Variants in PCDHGA6 observed in about 807,000 individuals in gnomAD.
PCDHGA6 encodes the protein protocadherin gamma-A6.
Under a neutral mutation model 60.6 loss-of-function variants are expected in PCDHGA6, and 41 were observed. The ratio of observed to expected loss-of-function variants is 0.68; its 90% CI spans 0.53 to 0.88. The LOEUF (loss-of-function observed/expected upper bound fraction) is 0.88. Among genes scored for constraint, PCDHGA6 ranks in the 40% least tolerant of loss-of-function variants. PCDHGA6 has a pLI of 0.00. For synonymous variants in PCDHGA6, 594 were observed against 524.4 expected, an observed-to-expected ratio of 1.13 and a Z score of -1.81; for missense variants, 1,312 against 1,203.0, an observed-to-expected ratio of 1.09 and a Z score of -1.34.
intron 1 of PCDHGA6, among the ~76,000 whole-genome samples, chr5:141,469,403 C>T (rs902543178): frequency 4.6e-5 from 7 of 152,060 alleles, no homozygotes; most frequent in South Asian, 2.1e-4. Context: ...GGTGAAACCC[C>T]GTTTCTACTA....
chr5:141,421,353 G>T, intron 1 of PCDHGA6: 1 of 1,613,998 alleles, frequency 6.2e-7, no homozygotes, highest in Non-Finnish European at 8.5e-7. Context: ...AGACCGAAAA[G>T]GGCTCCTTCG....
chr5:141,410,797 CTCTA>C (rs375585060), intron 1 of PCDHGA6: 18 of 676,000 alleles, frequency 2.7e-5, no homozygotes, highest in Middle Eastern at 9.7e-4. Context: ...TCATAAGTTG[CTCTA>C]TCTTTTTGTA....
At chr5:141,464,300 A>T (rs1349155102) in intron 1 of PCDHGA6, among the ~76,000 whole-genome samples, 2 of 149,898 alleles carry the variant, frequency 1.3e-5, no homozygotes, top group African/African-American at 4.9e-5. Flanking sequence ...ACTCCATTGT[A>T]TGTGCACATA....
At chr5:141,452,966 G>T (rs996204633) in intron 1 of PCDHGA6, among the ~76,000 whole-genome samples, 6 of 152,098 alleles carry the variant, frequency 3.9e-5, no homozygotes, top group Admixed American at 1.3e-4. Context: ...TAAACTGAGG[G>T]TATATTGTCA....
rs200900873 is a variant in PCDHGA6 at position 141,510,902 on chromosome 5, G to A, written c.2573-45G>A. On this transcript the variant is annotated intron_variant, in intron 3 of 3. Transcript: ENST00000517434. ...GGGGATATAAGACAGTGACTGTTGAGGACCCTAAGTTTAGCTCCCACCTGA... is the reference window on the plus strand; with the variant it reads ...GGGGATATAAGACAGTGACTGTTGAAGACCCTAAGTTTAGCTCCCACCTGA... The A allele has an allele frequency of 1.5e-3, 2,449 of 1,613,462 alleles. 7 individuals carry two copies. The highest frequency in any genetic ancestry group is 1.9e-3 in the Non-Finnish European group (2,206 of 1,179,758).
chr5:141,415,039 G>A (rs761101620), intron 1 of PCDHGA6: 1 of 1,613,486 alleles, frequency 6.2e-7, no homozygotes, highest in South Asian at 1.1e-5. Context: ...GGGACTCTTC[G>A]CGGTGGGGGA....
chr5:141,485,466 T>C lies in PCDHGA6; in HGVS notation c.2425-9341T>C, dbSNP rs1485922901. ...ATCGACCGAGAGGCACTGTGTGGGC[T>C]CAGTGCCAGCTGCATCGTGCCCCTG... On this transcript the variant is annotated intron_variant, in intron 1 of 3. Transcript: ENST00000517434. The surrounding 1 kb of genome is among the most constrained non-coding windows in gnomAD (Gnocchi z 5.7). 6.2e-7 allele frequency: 1 copy of C among 1,613,868 alleles called. No individual in the cohort carries two copies. Among genetic ancestry groups the C allele is most frequent in the Non-Finnish European group, 8.5e-7 (1 of 1,179,924 alleles).
In PCDHGA6 at chr5:141,476,691, A is replaced by G; in HGVS notation, c.2425-18116A>G. 6.2e-7 allele frequency: 1 copy of G among 1,614,224 alleles called. No individual in the cohort carries two copies. Among genetic ancestry groups the G allele is most frequent in the Non-Finnish European group, 8.5e-7 (1 of 1,180,050 alleles). The stretch of plus-strand genomic sequence containing the variant: ...GTGCAGACGCGGGAGGACAGCACCA[A>G]GTACGCGGAGCTGGTGTTGGAGCGC... On this transcript the variant is annotated intron_variant, in intron 1 of 3. Transcript: ENST00000517434. This position sits in a 1 kb window ranked among gnomAD's most constrained non-coding sequence, Gnocchi z 7.6.
At position 141,418,595 on chromosome 5, in the gene PCDHGA6, G is replaced by A. The variant is rs1331897624; in HGVS notation, c.2424+42088G>A. The A allele has an allele frequency of 2.5e-6, 4 of 1,613,928 alleles. No individual in the cohort carries two copies. Among genetic ancestry groups the A allele is most frequent in the Admixed American group, 3.3e-5 (2 of 60,006 alleles). On this transcript the variant is annotated intron_variant, in intron 1 of 3. Transcript: ENST00000517434. ...CAACCCCCCAGTGTTCAGCCAGGAC[G>A]TGTACAGGGTTAGCCTTCGGGAAGA...
In PCDHGA6 at chr5:141,393,378, G is replaced by A. The variant is rs1207426335; in HGVS notation, c.2424+16871G>A. On this transcript the variant is annotated intron_variant, in intron 1 of 3. Coordinates refer to ENST00000517434, the MANE Select transcript of PCDHGA6 (RefSeq NM_018919.3). ...GGACGTGCAGACTGGAGACAATGGA[G>A]CCATAAACCCAGAGCTGGTGCTGGA... The A allele has an allele frequency of 1.9e-6, 3 of 1,613,982 alleles. No individual in the cohort carries two copies. The highest frequency in any genetic ancestry group is 2.2e-5 in the East Asian group (1 of 44,866).
At chr5:141,400,172 C>G in intron 1 of PCDHGA6, 1 of 1,614,082 alleles carries the variant, frequency 6.2e-7, no homozygotes, top group Non-Finnish European at 8.5e-7. Context: ...GACCCCCAGG[C>G]TGAGCTGCAG....
Position 141,477,071 on chromosome 5 carries a change from G to T in PCDHGA6, c.2425-17736G>T. 6.2e-7 allele frequency: 1 copy of T among 1,614,226 alleles called. No individual in the cohort carries two copies. The highest frequency in any genetic ancestry group is 8.5e-7 in the Non-Finnish European group (1 of 1,180,030). ...GGACTTCGAGGACACCAAACTCCAT[G>T]AGATTTACATCCAGGCCAAAGACAA... is the stretch of plus-strand genomic sequence containing the variant. On this transcript the variant is annotated intron_variant, in intron 1 of 3. Coordinates refer to ENST00000517434, the MANE Select transcript of PCDHGA6 (RefSeq NM_018919.3). This position sits in a 1 kb window ranked among gnomAD's most constrained non-coding sequence, Gnocchi z 4.9.
At chr5:141,383,051 A>T in intron 1 of PCDHGA6, 2 of 1,613,872 alleles carry the variant, frequency 1.2e-6, no homozygotes, top group Non-Finnish European at 1.7e-6. Context: ...ATCGCCAAGG[A>T]CCTGGGGCTG....
intron 1 of PCDHGA6, chr5:141,385,148 T>G (rs1052139407): frequency 6.2e-7 from 1 of 1,614,218 alleles, no homozygotes; most frequent in Admixed American, 1.7e-5. Context: ...CAGGCTTTCC[T>G]GCAGACCTAT....
At chr5:141,504,528 C>T (rs750099460) in intron 2 of PCDHGA6, among the ~76,000 whole-genome samples, 2 of 151,854 alleles carry the variant, frequency 1.3e-5, no homozygotes, top group Non-Finnish European at 2.9e-5. Flanking sequence ...ATATTTTATT[C>T]GTGTCATCAT....
chr5:141,431,536 G>T lies in PCDHGA6; in HGVS notation c.2424+55029G>T. Reference sequence around the variant, plus strand: ...TTCCGGAGAATCTGGCCTTGGGCACGCAGCTGCTTGTAGTCAACGCTACCG... The same window carrying T: ...TTCCGGAGAATCTGGCCTTGGGCACTCAGCTGCTTGTAGTCAACGCTACCG... On this transcript the variant is annotated intron_variant, in intron 1 of 3. Coordinates refer to ENST00000517434, the MANE Select transcript of PCDHGA6 (RefSeq NM_018919.3). The surrounding 1 kb of genome is among the most constrained non-coding windows in gnomAD (Gnocchi z 4.8). 6.2e-7 allele frequency: 1 copy of T among 1,614,068 alleles called. No homozygotes were observed. Among genetic ancestry groups the T allele is most frequent in the Non-Finnish European group, 8.5e-7 (1 of 1,180,022 alleles).
intron 1 of PCDHGA6, chr5:141,421,331 C>T: frequency 1.2e-6 from 2 of 1,613,856 alleles, no homozygotes; most frequent in East Asian, 2.2e-5. Flanking sequence ...ATCCGATATT[C>T]GGTGCCAGAA....
chr5:141,464,622 CT>C (rs947370342), intron 1 of PCDHGA6, among the ~76,000 whole-genome samples: 8 of 152,058 alleles, frequency 5.3e-5, no homozygotes, highest in African/African-American at 1.9e-4. Flanking sequence ...TATTGTCAAG[CT>C]TTTTAATTGT....
Position 141,477,443 on chromosome 5 carries a change from G to C in PCDHGA6, c.2425-17364G>C. The C allele has an allele frequency of 6.2e-7, 1 of 1,614,136 alleles. No individual in the cohort carries two copies. Among genetic ancestry groups the C allele is most frequent in the Non-Finnish European group, 8.5e-7 (1 of 1,180,024 alleles). ...CCCTTCCCTCTCAGCCCTTACAATA[G>C]TGCGTGTTCAAGTGTCCGACATCAA... On this transcript the variant is annotated intron_variant, in intron 1 of 3. Coordinates refer to ENST00000517434, the MANE Select transcript of PCDHGA6 (RefSeq NM_018919.3). This position sits in a 1 kb window ranked among gnomAD's most constrained non-coding sequence, Gnocchi z 4.9.
Sources: gnomAD v4.1 joint callset for allele counts (sites outside exome capture counted in the v4.1 genomes callset) on GRCh38, gnomAD v4.1.1 for gene constraint, Gnocchi (gnomAD v3.1) non-coding constraint, MANE v1.5 for transcripts, NCBI Gene and HGNC (gene_info 2026-07-23, HGNC 2026-07-21) for gene names.